Variants in PRDM16 observed in about 807,000 individuals in gnomAD.
PRDM16 encodes the protein histone-lysine N-methyltransferase PRDM16.
A neutral mutation model predicts 110.6 loss-of-function variants in PRDM16; 23 were observed. That is an observed-to-expected ratio of 0.21 (90% CI 0.15 to 0.29). PRDM16 has a LOEUF of 0.29. Among genes scored for constraint, PRDM16 ranks in the 10% least tolerant of loss-of-function variants. The pLI, the probability that PRDM16 is intolerant of heterozygous loss-of-function variation, is 1.00. For synonymous variants in PRDM16, 799 were observed against 781.8 expected, an observed-to-expected ratio of 1.02 and a Z score of -0.37; for missense variants, 1,615 against 1,794.3, an observed-to-expected ratio of 0.90 and a Z score of 1.81.
intron 3 of PRDM16, among the ~76,000 whole-genome samples, chr1:3,324,479 G>T (rs1010847570): frequency 1.2e-4 from 18 of 152,176 alleles, no homozygotes; most frequent in Admixed American, 1.2e-3. Flanking sequence ...CAGCTCACTC[G>T]CTCATGCCCT....
chr1:3,139,129 C>T (rs1045958416), intron 1 of PRDM16, among the ~76,000 whole-genome samples: 1 of 152,034 alleles, frequency 6.6e-6, no homozygotes, highest in African/African-American at 2.4e-5. Context: ...CGCAGACACA[C>T]GTGGACGAGT....
chr1:3,203,092 A>G (rs1213509998), intron 2 of PRDM16, among the ~76,000 whole-genome samples: 1 of 152,212 alleles, frequency 6.6e-6, no homozygotes, highest in African/African-American at 2.4e-5. Context: ...GGTCACCAAG[A>G]TAAAGCAGGG....
chr1:3,087,356 C>T (rs1407658042), intron 1 of PRDM16, among the ~76,000 whole-genome samples: 5 of 152,166 alleles, frequency 3.3e-5, no homozygotes, highest in African/African-American at 1.2e-4. Context: ...GTAATCTTAG[C>T]ACCCAGTGCA....
At chr1:3,083,049 A>G (rs1354668051) in intron 1 of PRDM16, among the ~76,000 whole-genome samples, 15 of 152,108 alleles carry the variant, frequency 9.9e-5, no homozygotes, top group Non-Finnish European at 1.5e-5. Context: ...GATTATTGCT[A>G]TTATTGTCCT....
intron 11 of PRDM16, among the ~76,000 whole-genome samples, chr1:3,418,432 G>C (rs375886091): frequency 6.6e-6 from 1 of 152,184 alleles, no homozygotes; most frequent in Non-Finnish European, 1.5e-5. Context: ...CTGAGGGGCC[G>C]AGACGCTTCA....
chr1:3,268,874 G>C (rs1320680655), intron 3 of PRDM16, among the ~76,000 whole-genome samples: 1 of 152,234 alleles, frequency 6.6e-6, no homozygotes, highest in Non-Finnish European at 1.5e-5. Context: ...AGCGTGGGAG[G>C]CTTCCCCATG....
At chr1:3,385,411 C>T (rs1418860038) in intron 4 of PRDM16, 125 bp downstream of exon 4, 1 of 1,082,968 alleles carries the variant, frequency 9.2e-7, no homozygotes, top group African/African-American at 1.5e-5. Flanking sequence ...CTGCCAAGCC[C>T]TGGCCTGCAG....
intron 1 of PRDM16, among the ~76,000 whole-genome samples, chr1:3,085,068 G>C (rs545315644): frequency 6.6e-6 from 1 of 152,300 alleles, no homozygotes; most frequent in African/African-American, 2.4e-5. Context: ...GCACCTCTCT[G>C]TGTCAATGGA....
At chr1:3,075,573 T>C (rs1641878056) in intron 1 of PRDM16, among the ~76,000 whole-genome samples, 1 of 152,256 alleles carries the variant, frequency 6.6e-6, no homozygotes, top group African/African-American at 2.4e-5. Context: ...AAAAAATATA[T>C]TATGGCTGTT....
chr1:3,243,224 C>T lies in PRDM16; in HGVS notation c.388-863C>T, dbSNP rs1639714966. ...GCTGCTGGGGGTCCTCAGTGGCCACCCCGGGCACCTGCATGGCACTAGGCA... is the reference window on the plus strand; with the variant it reads ...GCTGCTGGGGGTCCTCAGTGGCCACTCCGGGCACCTGCATGGCACTAGGCA... On this transcript the variant is annotated intron_variant, in intron 2 of 16. Coordinates refer to ENST00000270722, the MANE Select transcript of PRDM16 (RefSeq NM_022114.4). The surrounding 1 kb of genome is among the most constrained non-coding windows in gnomAD (Gnocchi z 5.5). 2.0e-5 allele frequency among the ~76,000 whole-genome samples: 3 copies of T among 152,352 alleles called. No homozygotes were observed. Among genetic ancestry groups the T allele is most frequent in the Admixed American group, 2.0e-4 (3 of 15,304 alleles).
chr1:3,349,707 G>A (rs1173411413), intron 3 of PRDM16, among the ~76,000 whole-genome samples: 3 of 152,076 alleles, frequency 2.0e-5, no homozygotes, highest in South Asian at 2.1e-4. Context: ...AATGCACCCC[G>A]GCTTCCTGCG....
rs1056569269 is a variant in PRDM16 at position 3,425,884 on chromosome 1, G to T, written c.3109+134G>T. On this transcript the variant is annotated intron_variant, in intron 13 of 16. Transcript: ENST00000270722. The surrounding 1 kb of genome is among the most constrained non-coding windows in gnomAD (Gnocchi z 6.9). ...AGACTACCCCTCAGGAAGCCAACAG[G>T]CACCCCTCAAACCGTGGTCATTAAA... The T allele has an allele frequency of 1.6e-6, 2 of 1,287,098 alleles. No homozygotes were observed. Among genetic ancestry groups the T allele is most frequent in the African/African-American group, 1.5e-5 (1 of 67,308 alleles). 79.7% of individuals were successfully genotyped at this position (1,287,098 alleles called of 1,614,324 possible).
chr1:3,277,776 CGCACACATAT>C (rs1424128579), intron 3 of PRDM16, among the ~76,000 whole-genome samples: 2 of 145,746 alleles, frequency 1.4e-5, no homozygotes, highest in Non-Finnish European at 1.5e-5. Context: ...CGCACACACA[CGCACACATAT>C]GCACACACAA....
At chr1:3,398,969 G>T (rs78739434) in intron 5 of PRDM16, among the ~76,000 whole-genome samples, 1 of 152,276 alleles carries the variant, frequency 6.6e-6, no homozygotes, top group East Asian at 1.9e-4. Context: ...CTGCCGTCCC[G>T]GGGCTGGACA....
chr1:3,118,090 T>C (rs1030894188), intron 1 of PRDM16, among the ~76,000 whole-genome samples: 1 of 151,660 alleles, frequency 6.6e-6, no homozygotes, highest in African/African-American at 2.4e-5. Flanking sequence ...TGCATGTGTA[T>C]GTGTGTACAT....
At chr1:3,168,722 G>A (rs1175340471) in intron 1 of PRDM16, among the ~76,000 whole-genome samples, 3 of 152,226 alleles carry the variant, frequency 2.0e-5, no homozygotes, top group Admixed American at 6.5e-5. Flanking sequence ...AAGTATGTCA[G>A]GGAATGAGGA....
At chr1:3,106,286 G>C (rs1642650584) in intron 1 of PRDM16, among the ~76,000 whole-genome samples, 2 of 152,220 alleles carry the variant, frequency 1.3e-5, no homozygotes, top group South Asian at 4.1e-4. Context: ...CAACCTGGAA[G>C]CTGAAGGAGA....
rs768926836 is a variant in PRDM16, at chr1:3,244,043, T to C, written c.388-44T>C. The C allele has an allele frequency of 4.4e-6, 7 of 1,597,690 alleles. No individual in the cohort carries two copies. Among genetic ancestry groups the C allele is most frequent in the Admixed American group, 1.7e-5 (1 of 59,988 alleles). ...TTTAGAACCCAGTGTAGCTTGAGAA[T>C]GTTTTATCAGAAACTAACAACCCCT... On this transcript the variant is annotated intron_variant, in intron 2 of 16. Transcript: ENST00000270722. This position sits in a 1 kb window ranked among gnomAD's most constrained non-coding sequence, Gnocchi z 4.1.
intron 3 of PRDM16, among the ~76,000 whole-genome samples, chr1:3,366,493 C>G (rs537137400): frequency 6.6e-6 from 1 of 152,356 alleles, no homozygotes; most frequent in African/African-American, 2.4e-5. Flanking sequence ...GGCCTCCCAG[C>G]CTCCGTAGCC....
Sources: allele counts gnomAD v4.1 joint callset (sites outside exome capture counted in the v4.1 genomes callset), GRCh38; gene constraint gnomAD v4.1.1; non-coding constraint Gnocchi (gnomAD v3.1); transcripts MANE v1.5; gene names NCBI Gene and HGNC (gene_info 2026-07-23, HGNC 2026-07-21).